ROBO2: variants seen among roughly 807,000 people sequenced by gnomAD.
The protein encoded by ROBO2 is roundabout homolog 2.
ROBO2 carries 53 observed loss-of-function variants against 160.8 expected under a neutral mutation model. The observed-to-expected ratio is 0.33, with a 90% CI of 0.26 to 0.41. The LOEUF (loss-of-function observed/expected upper bound fraction) is 0.41. ROBO2 is among the 10% of genes least tolerant of loss of function. The pLI is 1.00. For missense variants in ROBO2, 1,577 were observed against 1,722.4 expected, an observed-to-expected ratio of 0.92 and a Z score of 1.49; for synonymous variants, 664 against 611.7, an observed-to-expected ratio of 1.09 and a Z score of -1.26.
intron 2 of ROBO2, among the ~76,000 whole-genome samples, chr3:77,421,750 A>T (rs940941951): frequency 2.0e-5 from 3 of 152,160 alleles, no homozygotes; most frequent in Admixed American, 1.3e-4. Flanking sequence ...ATAGATATAG[A>T]AAAATAAAAA....
At chr3:77,302,751 A>C (rs1212326866) in intron 2 of ROBO2, among the ~76,000 whole-genome samples, 1 of 152,200 alleles carries the variant, frequency 6.6e-6, no homozygotes, top group Non-Finnish European at 1.5e-5. Flanking sequence ...TAATGCATTA[A>C]TATAGCTGAA....
chr3:76,405,150 T>C (rs149735082), intron 2 of ROBO2, among the ~76,000 whole-genome samples: 58 of 151,590 alleles, frequency 3.8e-4, no homozygotes, highest in African/African-American at 1.4e-3. Flanking sequence ...GAAGGCCTCT[T>C]TGATGGGGTG....
At chr3:77,518,602 C>T (rs541977024) in intron 5 of ROBO2, among the ~76,000 whole-genome samples, 2 of 151,596 alleles carry the variant, frequency 1.3e-5, no homozygotes, top group African/African-American at 4.8e-5. Flanking sequence ...TAGCTCTGAT[C>T]TACCCTAATG....
intron 2 of ROBO2, among the ~76,000 whole-genome samples, chr3:75,944,559 G>T (rs1948198569): frequency 6.6e-6 from 1 of 152,006 alleles, no homozygotes; most frequent in Non-Finnish European, 1.5e-5. Context: ...GCTGTACACA[G>T]TGTTCATAGT....
intron 2 of ROBO2, among the ~76,000 whole-genome samples, chr3:76,596,129 G>A (rs1374851): frequency 0.47 from 71,671 of 151,902 alleles, 17,419 homozygotes; most frequent in Middle Eastern, 0.66. Flanking sequence ...TGTAAGTAGT[G>A]TTTATATAGA....
intron 2 of ROBO2, among the ~76,000 whole-genome samples, chr3:76,622,035 T>G (rs1198909169): frequency 6.6e-6 from 1 of 151,052 alleles, no homozygotes; most frequent in Non-Finnish European, 1.5e-5. Flanking sequence ...GACCCTATAC[T>G]GACCTTGTAT....
chr3:77,332,908 T>C lies in ROBO2; in HGVS notation c.389-144506T>C, dbSNP rs140854645. ...AAAAACAGAGAGCGCTAGAGCGACT[T>C]ATTACAAATTTACCCAGGTAATAGA... is the stretch of plus-strand genomic sequence containing the variant. On this transcript the variant is annotated intron_variant, in intron 2 of 25. Coordinates refer to ENST00000461745, the Ensembl canonical transcript of ROBO2. Among the ~76,000 whole-genome samples the C allele has an allele frequency of 2.6e-3, 392 of 152,316 alleles. 2 individuals carry two copies. Among genetic ancestry groups the C allele is most frequent in the Middle Eastern group, 0.014 (4 of 294 alleles).
chr3:76,468,246 T>A (rs549456311), intron 2 of ROBO2, among the ~76,000 whole-genome samples: 1 of 152,142 alleles, frequency 6.6e-6, no homozygotes, highest in Non-Finnish European at 1.5e-5. Flanking sequence ...GATTCAAATA[T>A]GGGAATTGAA....
chr3:76,271,488 C>T (rs1707428232), intron 2 of ROBO2, among the ~76,000 whole-genome samples: 1 of 149,528 alleles, frequency 6.7e-6, no homozygotes. Flanking sequence ...TACAGATTCA[C>T]ATATGTTTAA....
intron 1 of ROBO2, among the ~76,000 whole-genome samples, chr3:77,061,998 G>A (rs574007737): frequency 2.0e-4 from 30 of 152,028 alleles, no homozygotes; most frequent in African/African-American, 6.3e-4. Flanking sequence ...GAAAACATTA[G>A]TAGATTCAAA....
chr3:75,950,987 A>G (rs946926434), intron 2 of ROBO2, among the ~76,000 whole-genome samples: 1 of 152,040 alleles, frequency 6.6e-6, no homozygotes, highest in Admixed American at 6.6e-5. Context: ...GCTCAAATTC[A>G]TTTCAGCATT....
At chr3:77,138,039 C>T (rs1481341392) in intron 2 of ROBO2, among the ~76,000 whole-genome samples, 4 of 152,060 alleles carry the variant, frequency 2.6e-5, no homozygotes, top group South Asian at 2.1e-4. Context: ...TGAATCTGAA[C>T]GACTACCAGG....
At chr3:77,022,708 A>T (rs1403012415) in intron 2 of ROBO2, among the ~76,000 whole-genome samples, 1 of 152,220 alleles carries the variant, frequency 6.6e-6, no homozygotes, top group Admixed American at 6.5e-5. Flanking sequence ...GTTGACACTC[A>T]TGATGGGTAA....
chr3:77,130,612 T>G lies in ROBO2; in HGVS notation c.388+32272T>G, dbSNP rs188601074. ...CAGGCATCACCTCACATACGTGTCT[T>G]GTTTAATGGTGAAAATATTTAAGAT... On this transcript the variant is annotated intron_variant, in intron 2 of 25. Coordinates refer to ENST00000461745, the Ensembl canonical transcript of ROBO2. 1.6e-4 allele frequency among the ~76,000 whole-genome samples: 25 copies of G among 152,326 alleles called. No homozygotes were observed. The East Asian group carries it at 4.6e-3, about 28-fold the overall frequency.
intron 2 of ROBO2, among the ~76,000 whole-genome samples, chr3:76,554,261 GA>G (rs1430896267): frequency 1.3e-5 from 2 of 152,068 alleles, no homozygotes; most frequent in African/African-American, 4.8e-5. Flanking sequence ...CTTTTCTTAA[GA>G]AAAATAAATT....
chr3:77,048,570 C>T (rs1559901106), intron 1 of ROBO2, among the ~76,000 whole-genome samples: 1 of 152,188 alleles, frequency 6.6e-6, no homozygotes, highest in Non-Finnish European at 1.5e-5. Context: ...ATATAACGTA[C>T]TGTGGAGATA....
chr3:75,997,363 A>G (rs1326029396), intron 2 of ROBO2, among the ~76,000 whole-genome samples: 1 of 152,198 alleles, frequency 6.6e-6, no homozygotes, highest in African/African-American at 2.4e-5. Flanking sequence ...CAATCTGGGA[A>G]GCTCTTAAAA....
chr3:76,846,801 T>G (rs533415221), intron 2 of ROBO2, among the ~76,000 whole-genome samples: 1 of 152,176 alleles, frequency 6.6e-6, no homozygotes, highest in Non-Finnish European at 1.5e-5. Flanking sequence ...CCGACTAAGA[T>G]AGTAAATCTA....
At chr3:76,894,143 A>T (rs116193533) in intron 2 of ROBO2, among the ~76,000 whole-genome samples, 8,089 of 152,164 alleles carry the variant, frequency 0.053, 266 homozygotes, top group South Asian at 0.15. Flanking sequence ...GAGGAAAAAA[A>T]ATCTTTTTTC....
Sources: allele counts gnomAD v4.1 joint callset (sites outside exome capture counted in the v4.1 genomes callset), GRCh38; gene constraint gnomAD v4.1.1; transcripts MANE v1.5; gene names NCBI Gene and HGNC (gene_info 2026-07-23, HGNC 2026-07-21).